The following CCDC62 variants were observed in gnomAD, a reference collection of about 807,000 sequenced individuals.
CCDC62 encodes the protein coiled-coil domain containing 62, also known as coiled-coil domain-containing protein 62.
CCDC62 carries 72 observed loss-of-function variants against 80.8 expected under a neutral mutation model. The observed-to-expected ratio is 0.89, with a 90% confidence interval of 0.74 to 1.08. The LOEUF is 1.08. CCDC62 is among the 50% of genes least tolerant of loss of function. The pLI is 0.00. For missense variants in CCDC62, 704 were observed against 809.4 expected (o/e 0.87, Z 1.58); for synonymous variants, 286 against 296.5 (o/e 0.96, Z 0.36).
rs965900105 is a variant in CCDC62 at position 122,826,957 on chromosome 12, C to T, written c.*576C>T. 6.6e-6 allele frequency: 1 copy of T among 152,474 alleles called. No individual in the cohort carries two copies. The highest frequency in any genetic ancestry group is 1.5e-5 in the Non-Finnish European group (1 of 68,278). The allele number at this position is 152,474 out of a possible 1,614,324, so 9.4% of individuals were successfully genotyped here. A position where few individuals can be genotyped will look rare whatever the true frequency, so the allele number is the denominator to read the frequency against. On this transcript the variant is annotated 3_prime_UTR_variant, in exon 13 of 13. Transcript: ENST00000253079. ...TATAAAATGTAACTGGAAAATAGCT[C>T]GAGGTCCTTCTGTCCCAAGCTGAGC... is the stretch of plus-strand genomic sequence containing the variant.
Position 122,777,929 on chromosome 12 carries a change from C to T in CCDC62, c.229+246C>T, listed in dbSNP as rs117814385. 8.5e-3 allele frequency among the ~76,000 whole-genome samples: 1,297 copies of T among 152,138 alleles called. 10 individuals carry two copies. Among genetic ancestry groups the T allele is most frequent in the Non-Finnish European group, 0.016 (1,069 of 68,002 alleles). On this transcript the variant is annotated intron_variant, in intron 2 of 12. Coordinates refer to ENST00000253079, the MANE Select transcript of CCDC62 (RefSeq NM_201435.5). ...GGAGCTCCAGTCAACATGGGGTGAG[C>T]GCCAGTGGTGAAGTTGAAGTTTTGA...
Position 122,792,074 on chromosome 12 carries a change from G to T in CCDC62, c.725G>T (p.Arg242Leu). 6.2e-7 allele frequency: 1 copy of T among 1,613,924 alleles called. No individual in the cohort carries two copies. Among genetic ancestry groups the T allele is most frequent in the Non-Finnish European group, 8.5e-7 (1 of 1,179,906 alleles). The change falls in exon 6 of 13, where the codon CGC becomes CTC. Residue 242 changes from arginine (R) to leucine (L), a missense_variant. By Grantham distance (102) the Arg-to-Leu change is moderately radical. Transcript: ENST00000253079. The part of the protein sequence containing the change: ...ENNEQREEII[R>L]LKQEKSCLHD... ...AATGAGCAACGAGAAGAGATCATTCGCCTCAAGCAAGAGAAAAGTTGCCTG... is the reference window on the plus strand; with the variant it reads ...AATGAGCAACGAGAAGAGATCATTCTCCTCAAGCAAGAGAAAAGTTGCCTG...
intron 3 of CCDC62, among the ~76,000 whole-genome samples, chr12:122,782,583 C>T (rs538984346): frequency 2.7e-4 from 41 of 152,138 alleles, no homozygotes; most frequent in African/African-American, 7.9e-4. Flanking sequence ...CTCACTCCCC[C>T]GAGTAGCTGG....
chr12:122,814,493 A>C (rs2032082929), intron 11 of CCDC62, among the ~76,000 whole-genome samples: 1 of 147,114 alleles, frequency 6.8e-6, no homozygotes. Context: ...TCTAACAGAT[A>C]TGGACTTTTA....
intron 11 of CCDC62, 96 bp from the exon 12 acceptor site, chr12:122,823,270 A>T: frequency 1.1e-6 from 1 of 917,410 alleles, no homozygotes. Flanking sequence ...CTCATCTAAC[A>T]TCTCTTAAAG....
intron 8 of CCDC62, among the ~76,000 whole-genome samples, chr12:122,800,145 G>A (rs1416191554): frequency 1.3e-5 from 2 of 148,634 alleles, no homozygotes; most frequent in African/African-American, 5.0e-5. Flanking sequence ...CCACAGGCAT[G>A]CGCCACCATG....
At chr12:122,792,172 G>T in intron 6 of CCDC62, 51 bp downstream of exon 6, 2 of 1,125,472 alleles carry the variant, frequency 1.8e-6, no homozygotes, top group Non-Finnish European at 2.7e-6. Context: ...AATGATGACA[G>T]GCTGAAGGAA....
At chr12:122,803,005 G>A (rs2031395808) in intron 9 of CCDC62, among the ~76,000 whole-genome samples, 1 of 152,088 alleles carries the variant, frequency 6.6e-6, no homozygotes, top group African/African-American at 2.4e-5. Context: ...ACTCCAGCCT[G>A]GGCAACAAAG....
chr12:122,813,506 C>G (rs2032034971), intron 11 of CCDC62, 87 bp downstream of exon 11: 2 of 1,305,974 alleles, frequency 1.5e-6, no homozygotes, highest in Non-Finnish European at 2.1e-6. Flanking sequence ...GGCAGGGCGG[C>G]CTTTCTGTTA....
chr12:122,811,158 C>G (rs1473890550), intron 10 of CCDC62, among the ~76,000 whole-genome samples: 2 of 150,710 alleles, frequency 1.3e-5, no homozygotes, highest in African/African-American at 4.9e-5. Flanking sequence ...ACCCTAGAAC[C>G]TAAAGTATAA....
intron 1 of CCDC62, among the ~76,000 whole-genome samples, chr12:122,775,685 T>G (rs1279789647): frequency 1.3e-5 from 2 of 152,236 alleles, no homozygotes; most frequent in Non-Finnish European, 2.9e-5. Flanking sequence ...CAATGTCGGC[T>G]TACTGCAGCC....
At chr12:122,799,772 C>T (rs1013845995) in intron 8 of CCDC62, among the ~76,000 whole-genome samples, 7 of 152,176 alleles carry the variant, frequency 4.6e-5, no homozygotes, top group Non-Finnish European at 7.3e-5. Context: ...GAGTTGAGAG[C>T]AGCAGGGCTT....
rs571335527 is a variant in CCDC62 at position 122,780,337 on chromosome 12, G to A, written c.230-827G>A. Among the ~76,000 whole-genome samples, 307 of 149,950 alleles carry A rather than the reference G, an allele frequency of 2.0e-3. 1 individual carries two copies. Among genetic ancestry groups the A allele is most frequent in the Non-Finnish European group, 4.0e-3 (272 of 67,708 alleles). On this transcript the variant is annotated intron_variant, in intron 2 of 12. Transcript: ENST00000253079. ...ACGAAAAAAAAAAAAAAGAAGGCCG[G>A]GCATGGTGGCTCACGCCTGTAATCC...
At chr12:122,797,526 A>T (rs558929424) in intron 7 of CCDC62, 131 bp downstream of exon 7, 1 of 498,178 alleles carries the variant, frequency 2.0e-6, no homozygotes, top group African/African-American at 2.0e-5. Flanking sequence ...GTTGTATATC[A>T]TGTTTATTTA....
intron 1 of CCDC62, among the ~76,000 whole-genome samples, chr12:122,774,939 A>T (rs907486856): frequency 2.7e-5 from 4 of 150,860 alleles, no homozygotes; most frequent in African/African-American, 9.7e-5. Context: ...AATAAAAAAA[A>T]AAAAATTAGC....
chr12:122,801,980 C>T, intron 9 of CCDC62, 128 bp downstream of exon 9: 1 of 999,976 alleles, frequency 1.0e-6, no homozygotes, highest in Non-Finnish European at 1.5e-6. Flanking sequence ...CAGAAATCTT[C>T]CTTAGGACCA....
intron 12 of CCDC62, among the ~76,000 whole-genome samples, chr12:122,825,993 CAAAAAAAAA>C (rs61129769): frequency 0.17 from 18,932 of 110,470 alleles, 1,536 homozygotes; most frequent in Middle Eastern, 0.33. Context: ...AACTCCGTCT[CAAAAAAAAA>C]AAAAAAAAAA....
intron 11 of CCDC62, among the ~76,000 whole-genome samples, chr12:122,815,532 C>T (rs150319356): frequency 0.011 from 1,648 of 151,954 alleles, 17 homozygotes; most frequent in Non-Finnish European, 0.018. Flanking sequence ...CTGCAAGCTC[C>T]GCCTCCCGGG....
At chr12:122,819,955 G>A (rs562970962) in intron 11 of CCDC62, among the ~76,000 whole-genome samples, 8 of 151,486 alleles carry the variant, frequency 5.3e-5, no homozygotes, top group Non-Finnish European at 1.0e-4. Flanking sequence ...CCAGGCACTC[G>A]GGAGGCTGGG....
Sources: allele counts gnomAD v4.1 joint callset (sites outside exome capture counted in the v4.1 genomes callset), GRCh38; gene constraint gnomAD v4.1.1; transcripts MANE v1.5; gene names NCBI Gene and HGNC (gene_info 2026-07-23, HGNC 2026-07-21).